Variants in SBK1 observed in about 807,000 individuals in gnomAD.
SBK1 encodes SH3 domain binding kinase 1, also known as serine/threonine-protein kinase SBK1.
A neutral mutation model predicts 24.4 loss-of-function variants in SBK1; 11 were observed. The observed-to-expected ratio is 0.45, with a 90% confidence interval of 0.28 to 0.75. The LOEUF (loss-of-function observed/expected upper bound fraction) is 0.75, where lower values mean the gene tolerates loss of function less well. SBK1 is among the 30% of genes least tolerant of loss of function. The pLI is 0.12. For synonymous variants in SBK1, 308 were observed against 284.4 expected (o/e 1.08, Z -0.83); for missense variants, 467 against 620.5 (o/e 0.75, Z 2.63).
rs754886414 is a variant in SBK1 at position 28,319,055 on chromosome 16, G to A, written c.287G>A (p.Arg96Gln). 5 of 1,613,994 alleles carry A rather than the reference G, an allele frequency of 3.1e-6. No homozygotes were observed. The highest frequency in any genetic ancestry group is 2.2e-5 in the East Asian group (1 of 44,892). ...AAAACCAAGCTGAAGAACTTCCTAC[G>A]GGAGGTGAGCATCACCAACAGCCTC... ...KSKTKLKNFLREVSITNSLSS... is the reference protein window; with the variant it reads ...KSKTKLKNFLQEVSITNSLSS... Residue 96 changes from arginine to glutamine, a missense_variant, in exon 3 of 4, where the codon CGG becomes CAG. Physicochemically the swap from Arg to Gln is conservative, Grantham distance 43 (BLOSUM62 1). This residue lies in a region of SBK1 where 123 missense variants were observed against 158.2 expected (regional missense o/e 0.78). Coordinates refer to ENST00000341901, the MANE Select transcript of SBK1 (RefSeq NM_001024401.3). The surrounding 1 kb of genome is among the most constrained non-coding windows in gnomAD (Gnocchi z 4.0).
chr16:28,262,720 T>G (rs2044405013), intron 1 of SBK1, among the ~76,000 whole-genome samples: 1 of 152,246 alleles, frequency 6.6e-6, no homozygotes, highest in Non-Finnish European at 1.5e-5. Context: ...TGAAAATTTG[T>G]CAGCAAACGC....
chr16:28,305,876 C>T (rs1289741517), intron 1 of SBK1, among the ~76,000 whole-genome samples: 1 of 152,208 alleles, frequency 6.6e-6, no homozygotes, highest in Non-Finnish European at 1.5e-5. Flanking sequence ...GATAAACTGT[C>T]TTAAAACCAG....
At chr16:28,285,281 C>T (rs546908276) in intron 1 of SBK1, 1 of 152,194 alleles carries the variant, frequency 6.6e-6, no homozygotes, top group East Asian at 1.9e-4. Context: ...TAGGGCCGGG[C>T]TTGGTAGCTC....
chr16:28,302,120 G>C (rs1567677063), intron 1 of SBK1, among the ~76,000 whole-genome samples: 1 of 152,182 alleles, frequency 6.6e-6, no homozygotes, highest in African/African-American at 2.4e-5. Flanking sequence ...ATTTTTCAGG[G>C]AAGAAGGTCC....
chr16:28,317,591 T>C lies in SBK1; in HGVS notation c.200T>C (p.Val67Ala). Residue 67 changes from valine (V) to alanine (A), a missense_variant, in exon 2 of 4, where the codon GTT becomes GCT. Physicochemically the swap from Val to Ala is moderately conservative, Grantham distance 64. Transcript: ENST00000341901. This position sits in a 1 kb window ranked among gnomAD's most constrained non-coding sequence, Gnocchi z 4.2. Reference protein sequence around the residue: ...RELGKGTYGKVDLVVYKGTGT... With the variant: ...RELGKGTYGKADLVVYKGTGT... ...CTGGGCAAAGGCACCTATGGGAAGG[T>C]TGACCTGGTGGTCTACAAGGGCACA... 6.2e-7 allele frequency: 1 copy of C among 1,613,984 alleles called. No individual in the cohort carries two copies. The highest frequency in any genetic ancestry group is 8.5e-7 in the Non-Finnish European group (1 of 1,179,834).
intron 1 of SBK1, among the ~76,000 whole-genome samples, chr16:28,301,308 G>A (rs960084555): frequency 1.3e-5 from 2 of 152,232 alleles, no homozygotes; most frequent in African/African-American, 4.8e-5. Flanking sequence ...AGGAGAGGCT[G>A]GAGAGCCTGT....
chr16:28,312,347 T>G (rs1221230976), intron 1 of SBK1, among the ~76,000 whole-genome samples: 1 of 152,188 alleles, frequency 6.6e-6, no homozygotes, highest in Admixed American at 6.5e-5. Flanking sequence ...ATCACCCCGT[T>G]GGTGGGTGGA....
intron 1 of SBK1, among the ~76,000 whole-genome samples, chr16:28,278,438 C>A (rs537924168): frequency 8.6e-4 from 131 of 152,260 alleles, no homozygotes; most frequent in African/African-American, 3.0e-3. Flanking sequence ...GCCTCCCAGG[C>A]TCAAGCGATC....
rs1303225177 is a variant in SBK1, at chr16:28,321,123, G to A, written c.*202G>A. 5 of 429,390 alleles carry A rather than the reference G, an allele frequency of 1.2e-5. No individual in the cohort carries two copies. The highest frequency in any genetic ancestry group is 2.0e-5 in the Non-Finnish European group (5 of 254,642). The allele number at this position is 429,390 out of a possible 1,614,324, so 26.6% of individuals were successfully genotyped here. A position where few individuals can be genotyped will look rare whatever the true frequency, so the allele number is the denominator to read the frequency against. On this transcript the variant is annotated 3_prime_UTR_variant, in exon 4 of 4. Transcript: ENST00000341901. Reference sequence around the variant, plus strand: ...AGACCCCTAGCGCGGCCTGGTGAGCGGGGGCTTGGCCCAGAGGAGCCAAGC... The same window carrying A: ...AGACCCCTAGCGCGGCCTGGTGAGCAGGGGCTTGGCCCAGAGGAGCCAAGC...
intron 1 of SBK1, among the ~76,000 whole-genome samples, chr16:28,295,326 T>C (rs542813201): frequency 6.6e-6 from 1 of 152,278 alleles, no homozygotes; most frequent in East Asian, 1.9e-4. Flanking sequence ...CCGTGTCCTC[T>C]AATTCTCTGC....
intron 1 of SBK1, among the ~76,000 whole-genome samples, chr16:28,276,494 C>T (rs897872537): frequency 2.6e-5 from 4 of 152,030 alleles, no homozygotes; most frequent in Non-Finnish European, 5.9e-5. Context: ...AGGCAGAGAG[C>T]GGATGCCTGG....
At chr16:28,310,695 A>C (rs1323185052) in intron 1 of SBK1, among the ~76,000 whole-genome samples, 1 of 152,108 alleles carries the variant, frequency 6.6e-6, no homozygotes, top group Non-Finnish European at 1.5e-5. Flanking sequence ...TTTTAAGTGG[A>C]GCTAACAATA....
chr16:28,279,802 A>G (rs2044518425), intron 1 of SBK1, among the ~76,000 whole-genome samples: 1 of 151,762 alleles, frequency 6.6e-6, no homozygotes, highest in African/African-American at 2.4e-5. Context: ...TCCTCCCCGG[A>G]CCTCAGTTGT....
At chr16:28,260,530 C>A (rs1312388938) in intron 1 of SBK1, among the ~76,000 whole-genome samples, 1 of 152,248 alleles carries the variant, frequency 6.6e-6, no homozygotes, top group Non-Finnish European at 1.5e-5. Context: ...CCTTCCAGGA[C>A]AAGTGGGCCA....
Position 28,320,784 on chromosome 16 carries a change from C to T in SBK1, c.1138C>T (p.Pro380Ser), listed in dbSNP as rs1446475386. ...GTCGGTGCCCTTGCCCGTGCCGGTGCCGGTGCCAGTGCCCGTGCCGGTGCC... is the reference window on the plus strand; with the variant it reads ...GTCGGTGCCCTTGCCCGTGCCGGTGTCGGTGCCAGTGCCCGTGCCGGTGCC... ...VGSVPLPVPV[P>S]VPVPVPVPVP... is the part of the protein sequence containing the mutation. Residue 380 changes from proline (P) to serine (S), a missense_variant, in exon 4 of 4, where the codon CCG (proline) becomes TCG (serine). Pro to Ser is a moderately conservative substitution (Grantham distance 74, BLOSUM62 -1). This residue lies in a region of SBK1 where 166 missense variants were observed against 146.8 expected (regional missense o/e 1.13). Transcript: ENST00000341901. The surrounding 1 kb of genome is among the most constrained non-coding windows in gnomAD (Gnocchi z 8.5). The T allele has an allele frequency of 1.3e-5, 18 of 1,414,902 alleles. No individual in the cohort carries two copies. In the East Asian group the frequency reaches 6.6e-4, roughly 52 times the overall value. 87.6% of individuals were successfully genotyped at this position (1,414,902 alleles called of 1,614,324 possible).
At position 28,320,108 on chromosome 16, in the gene SBK1, T is replaced by C; in HGVS notation, c.462T>C (p.Cys154=). 1.3e-6 allele frequency: 2 copies of C among 1,556,454 alleles called. No individual in the cohort carries two copies. Among genetic ancestry groups the C allele is most frequent in the Non-Finnish European group, 1.7e-6 (2 of 1,156,484 alleles). Residue 154 remains cysteine (C), a synonymous_variant, in exon 4 of 4, where the codon TGT becomes TGC. Coordinates refer to ENST00000341901, the MANE Select transcript of SBK1 (RefSeq NM_001024401.3). This position sits in a 1 kb window ranked among gnomAD's most constrained non-coding sequence, Gnocchi z 8.5. ...TCCCTGAGGACACGGTGAAGCGCTG[T>C]GTGCAGCAGCTGGGCCTGGCGCTGG... ...VGLPEDTVKR[C]VQQLGLALDF...
intron 1 of SBK1, among the ~76,000 whole-genome samples, chr16:28,301,587 G>A (rs904825035): frequency 5.3e-5 from 8 of 152,180 alleles, no homozygotes; most frequent in East Asian, 3.9e-4. Flanking sequence ...GTGGAGGAGC[G>A]GGGTCAGGGG....
chr16:28,262,462 CCAGTT>C (rs1407059426), intron 1 of SBK1, among the ~76,000 whole-genome samples: 1 of 151,954 alleles, frequency 6.6e-6, no homozygotes, highest in African/African-American at 2.4e-5. Context: ...GGGCAGGTGA[CCAGTT>C]CACTCCTTTG....
At chr16:28,314,635 C>T (rs1204952199) in intron 1 of SBK1, among the ~76,000 whole-genome samples, 2 of 152,212 alleles carry the variant, frequency 1.3e-5, no homozygotes, top group Middle Eastern at 3.4e-3. Flanking sequence ...CTTCAGGGTG[C>T]AGGGGTGCTT....
Sources: gnomAD v4.1 joint callset for allele counts (sites outside exome capture counted in the v4.1 genomes callset) on GRCh38, gnomAD v4.1.1 for gene constraint, gnomAD v4.1.1 regional missense constraint, Gnocchi (gnomAD v3.1) non-coding constraint, MANE v1.5 for transcripts, NCBI Gene and HGNC (gene_info 2026-07-23, HGNC 2026-07-21) for gene names.